TMPRSS12: variants seen among roughly 807,000 people sequenced by gnomAD.
The protein encoded by TMPRSS12 is transmembrane serine protease 12, also known as transmembrane protease serine 12.
TMPRSS12 carries 25 observed loss-of-function variants against 26.0 expected under a neutral mutation model. The ratio of observed to expected loss-of-function variants is 0.96; its 90% CI spans 0.70 to 1.34. TMPRSS12 has a LOEUF of 1.34. Ranked by LOEUF, TMPRSS12 falls within the 40% of genes most tolerant of loss-of-function variation. The pLI is 0.00. For synonymous variants in TMPRSS12, 150 were observed against 161.7 expected (o/e 0.93, Z 0.55); for missense variants, 441 against 440.1 (o/e 1.00, Z -0.02).
At position 50,881,975 on chromosome 12, in the gene TMPRSS12, AAAAAAAAAAAAAAAAAAAAAAAAATAT is replaced by A. The variant is rs1406457052; in HGVS notation, c.653-3269_653-3243del. ...CGAGACCACTTCAAAAAAAAAAAAA[AAAAAAAAAAAAAAAAAAAAAAAAATAT>A]ATATATATATATATATATATATATA... On this transcript the variant is annotated intron_variant, in intron 3 of 4. Transcript: ENST00000398458. Among the ~76,000 whole-genome samples the A allele has an allele frequency of 1.3e-4, 8 of 63,188 alleles. No homozygotes were observed. The South Asian group carries it at 2.6e-3, about 21-fold the overall frequency. The allele number at this position is 63,188 out of a possible 152,430, so 41.5% of individuals were successfully genotyped here.
intron 2 of TMPRSS12, among the ~76,000 whole-genome samples, chr12:50,854,461 C>A (rs1428372990): frequency 6.6e-6 from 1 of 152,102 alleles, no homozygotes; most frequent in Non-Finnish European, 1.5e-5. Flanking sequence ...CTAACCAGAG[C>A]AACCAGGCAA....
chr12:50,875,672 A>G (rs1048474636), intron 3 of TMPRSS12, among the ~76,000 whole-genome samples: 4 of 152,134 alleles, frequency 2.6e-5, no homozygotes, highest in Admixed American at 1.3e-4. Context: ...TATTCAATAA[A>G]TGGTGCTGGG....
At chr12:50,861,127 A>C (rs1477776206) in intron 3 of TMPRSS12, among the ~76,000 whole-genome samples, 2 of 152,194 alleles carry the variant, frequency 1.3e-5, no homozygotes, top group Non-Finnish European at 2.9e-5. Flanking sequence ...CCCATTTAAC[A>C]GACCAGTAAT....
intron 2 of TMPRSS12, among the ~76,000 whole-genome samples, chr12:50,852,031 C>G (rs1285413826): frequency 6.6e-6 from 1 of 152,158 alleles, no homozygotes; most frequent in Non-Finnish European, 1.5e-5. Flanking sequence ...ACCTGCCTTA[C>G]AAGAGATCCT....
intron 3 of TMPRSS12, among the ~76,000 whole-genome samples, chr12:50,868,913 A>T (rs1938016685): frequency 6.6e-6 from 1 of 152,178 alleles, no homozygotes; most frequent in Admixed American, 6.5e-5. Context: ...GTCAAAAACA[A>T]CATCAAGATG....
intron 3 of TMPRSS12, among the ~76,000 whole-genome samples, chr12:50,878,403 G>A (rs1245885478): frequency 6.7e-6 from 1 of 149,210 alleles, no homozygotes; most frequent in Non-Finnish European, 1.5e-5. Context: ...GCAATACGGT[G>A]AGCCCCTATC....
At chr12:50,864,967 G>A (rs750163832) in intron 3 of TMPRSS12, among the ~76,000 whole-genome samples, 2 of 152,092 alleles carry the variant, frequency 1.3e-5, no homozygotes, top group Non-Finnish European at 2.9e-5. Context: ...CCAAAAATCA[G>A]CAATAGACTA....
chr12:50,844,894 TA>T (rs1442527507), intron 2 of TMPRSS12, among the ~76,000 whole-genome samples: 1 of 152,202 alleles, frequency 6.6e-6, no homozygotes, highest in Non-Finnish European at 1.5e-5. Context: ...TTCAGCCATT[TA>T]AAAATGTAGA....
Position 50,859,577 on chromosome 12 carries a change from C to T in TMPRSS12, c.652+524C>T, listed in dbSNP as rs866111194. Among the ~76,000 whole-genome samples the T allele has an allele frequency of 2.0e-5, 3 of 152,040 alleles. No individual in the cohort carries two copies. In the East Asian group the frequency reaches 5.8e-4, roughly 29 times the overall value. Reference sequence around the variant, plus strand: ...TTCACCATGTTGACCAGGCTGGTCTCGAACTCCTGGCCTCCTGTGATCCAC... The same window carrying T: ...TTCACCATGTTGACCAGGCTGGTCTTGAACTCCTGGCCTCCTGTGATCCAC... On this transcript the variant is annotated intron_variant, in intron 3 of 4. Transcript: ENST00000398458.
intron 2 of TMPRSS12, chr12:50,848,174 A>G (rs1937791758): frequency 1.2e-5 from 1 of 86,770 alleles, no homozygotes; most frequent in Non-Finnish European, 2.8e-5. Context: ...TATCAAATAA[A>G]AGGTTGTCAG....
At chr12:50,855,105 A>G (rs1937863169) in intron 2 of TMPRSS12, among the ~76,000 whole-genome samples, 1 of 152,188 alleles carries the variant, frequency 6.6e-6, no homozygotes, top group Non-Finnish European at 1.5e-5. Context: ...GTACTGGTAC[A>G]AAAACAGACA....
chr12:50,856,466 G>A (rs538581142), intron 2 of TMPRSS12, among the ~76,000 whole-genome samples: 1 of 152,196 alleles, frequency 6.6e-6, no homozygotes, highest in African/African-American at 2.4e-5. Context: ...ACATATGAAT[G>A]TACCACTGTT....
At chr12:50,881,741 C>T (rs574927957) in intron 3 of TMPRSS12, among the ~76,000 whole-genome samples, 6 of 150,308 alleles carry the variant, frequency 4.0e-5, no homozygotes, top group Non-Finnish European at 8.9e-5. Flanking sequence ...GAGGCTGAGA[C>T]GGGCAGATCA....
At chr12:50,863,420 CTAGA>C (rs1233137908) in intron 3 of TMPRSS12, among the ~76,000 whole-genome samples, 9 of 151,984 alleles carry the variant, frequency 5.9e-5, no homozygotes, top group African/African-American at 1.9e-4. Context: ...AATTGTACCC[CTAGA>C]TATTTATCCC....
chr12:50,871,773 A>G (rs998473106), intron 3 of TMPRSS12, among the ~76,000 whole-genome samples: 1 of 152,208 alleles, frequency 6.6e-6, no homozygotes, highest in African/African-American at 2.4e-5. Context: ...AAAATAGGTT[A>G]AAGACATGAA....
intron 1 of TMPRSS12, 94 bp from the exon 2 acceptor site, chr12:50,843,748 T>C (rs941757338): frequency 4.6e-6 from 6 of 1,293,672 alleles, no homozygotes; most frequent in Non-Finnish European, 5.2e-6. Context: ...GTTTTTAACA[T>C]AGGAATTTAA....
At chr12:50,858,215 T>C (rs1424123162) in intron 2 of TMPRSS12, among the ~76,000 whole-genome samples, 1 of 152,160 alleles carries the variant, frequency 6.6e-6, no homozygotes, top group African/African-American at 2.4e-5. Context: ...AAAAAAATTA[T>C]AAAAGTAGAG....
At position 50,846,995 on chromosome 12, in the gene TMPRSS12, C is replaced by T. The variant is rs372146489; in HGVS notation, c.383+2958C>T. On this transcript the variant is annotated intron_variant, in intron 2 of 4. Transcript: ENST00000398458. Reference sequence around the variant, plus strand: ...CATATGAATTTTAGGATGGGTTTTTCTGTTTCTGCAAAAAAAAAAATGTCA... The same window carrying T: ...CATATGAATTTTAGGATGGGTTTTTTTGTTTCTGCAAAAAAAAAAATGTCA... Among the ~76,000 whole-genome samples, 19 of 136,384 alleles carry T rather than the reference C, an allele frequency of 1.4e-4. No homozygotes were observed. In the East Asian group the frequency reaches 1.6e-3, roughly 12 times the overall value. 89.5% of individuals were successfully genotyped at this position (136,384 alleles called of 152,430 possible).
chr12:50,853,666 C>T (rs1348863108), intron 2 of TMPRSS12, among the ~76,000 whole-genome samples: 1 of 150,854 alleles, frequency 6.6e-6, no homozygotes, highest in African/African-American at 2.4e-5. Flanking sequence ...ACCACCAACC[C>T]CACAGAAATA....
Sources: allele counts gnomAD v4.1 joint callset (sites outside exome capture counted in the v4.1 genomes callset), GRCh38; gene constraint gnomAD v4.1.1; transcripts MANE v1.5; gene names NCBI Gene and HGNC (gene_info 2026-07-23, HGNC 2026-07-21).